CNTNAP4: variants seen among roughly 807,000 people sequenced by gnomAD.
CNTNAP4 encodes contactin associated protein family member 4.
A neutral mutation model predicts 148.4 loss-of-function variants in CNTNAP4; 98 were observed. The observed-to-expected ratio is 0.66, with a 90% CI of 0.56 to 0.78. The LOEUF is 0.78. Ranked by LOEUF, CNTNAP4 falls within the 30% of genes least tolerant of loss-of-function variation. The pLI, the probability that CNTNAP4 is intolerant of heterozygous loss-of-function variation, is 0.00. For missense variants in CNTNAP4, 1,935 were observed against 1,565.6 expected (o/e 1.24, Z -3.98); for synonymous variants, 730 against 565.1 (o/e 1.29, Z -4.14).
chr16:76,383,406 A>C (rs1316230229), intron 3 of CNTNAP4, among the ~76,000 whole-genome samples: 1 of 151,998 alleles, frequency 6.6e-6, no homozygotes, highest in Non-Finnish European at 1.5e-5. Flanking sequence ...AAAAAAAAAA[A>C]AAAAAACGTA....
intron 13 of CNTNAP4, among the ~76,000 whole-genome samples, chr16:76,493,071 G>GT (rs2082281137): frequency 6.6e-6 from 1 of 151,878 alleles, no homozygotes. Flanking sequence ...AAATACAGAA[G>GT]TTTTTCTCAG....
intron 12 of CNTNAP4, among the ~76,000 whole-genome samples, chr16:76,480,893 G>A (rs2081802162): frequency 6.6e-6 from 1 of 152,164 alleles, no homozygotes; most frequent in African/African-American, 2.4e-5. Context: ...AAATCAACAA[G>A]CATATTCTAA....
rs74497657 is a variant in CNTNAP4, at chr16:76,455,287, C to T, written c.1333+2518C>T. On this transcript the variant is annotated intron_variant, in intron 8 of 23. Coordinates refer to ENST00000611870, the MANE Select transcript of CNTNAP4 (RefSeq NM_033401.5). Reference sequence around the variant, plus strand: ...TTCTGCTATGATTTTAGCATTTCTGCTGCTGTTTTTGCGTAACAGTGAAAA... The same window carrying T: ...TTCTGCTATGATTTTAGCATTTCTGTTGCTGTTTTTGCGTAACAGTGAAAA... Among the ~76,000 whole-genome samples, 525 of 152,188 alleles carry T rather than the reference C, an allele frequency of 3.4e-3. 1 individual carries two copies. The highest frequency in any genetic ancestry group is 0.012 in the African/African-American group (492 of 41,464).
intron 2 of CNTNAP4, among the ~76,000 whole-genome samples, chr16:76,326,543 C>G (rs1865672618): frequency 6.6e-6 from 1 of 152,098 alleles, no homozygotes; most frequent in African/African-American, 2.4e-5. Flanking sequence ...GACTTGGAAC[C>G]AATCCAAATG....
At chr16:76,296,412 TG>T (rs1441181195) in intron 1 of CNTNAP4, among the ~76,000 whole-genome samples, 3 of 152,198 alleles carry the variant, frequency 2.0e-5, no homozygotes, top group Non-Finnish European at 2.9e-5. Context: ...TTCAATGCTT[TG>T]GGAAAGATAC....
chr16:76,293,840 A>T (rs1230302361), intron 1 of CNTNAP4, among the ~76,000 whole-genome samples: 1 of 151,574 alleles, frequency 6.6e-6, no homozygotes, highest in Non-Finnish European at 1.5e-5. Flanking sequence ...TTTTTTAAAA[A>T]AAAGGATATA....
Position 76,522,098 on chromosome 16 carries a change from C to G in CNTNAP4, c.2596C>G (p.Gln866Glu). 6.2e-7 allele frequency: 1 copy of G among 1,613,916 alleles called. No homozygotes were observed. Among genetic ancestry groups the G allele is most frequent in the Non-Finnish European group, 8.5e-7 (1 of 1,179,866 alleles). Reference sequence around the variant, plus strand: ...GAATGGGCCTTTTGAAATCTCAGTGCAGTCACCCACCCACTTCAACGACAA... The same window carrying G: ...GAATGGGCCTTTTGAAATCTCAGTGGAGTCACCCACCCACTTCAACGACAA... ...VGNGPFEISV[Q>E]SPTHFNDNQW... is the part of the protein sequence containing the mutation. Residue 866 changes from glutamine (Q) to glutamate (E), a missense_variant, in exon 17 of 24, where the codon CAG becomes GAG. Gln to Glu is a conservative substitution (Grantham distance 29). Coordinates refer to ENST00000611870, the MANE Select transcript of CNTNAP4 (RefSeq NM_033401.5).
intron 3 of CNTNAP4, among the ~76,000 whole-genome samples, chr16:76,389,028 C>T (rs2016738010): frequency 6.6e-6 from 1 of 152,010 alleles, no homozygotes; most frequent in Admixed American, 6.6e-5. Flanking sequence ...ATGACTAAGC[C>T]AAAACCTTAT....
intron 11 of CNTNAP4, 130 bp from the exon 12 acceptor site, chr16:76,479,288 TA>T: frequency 1.7e-6 from 1 of 599,118 alleles, no homozygotes; most frequent in Non-Finnish European, 2.6e-6. Context: ...TGTTTTAAAG[TA>T]AGTTTTGCCT....
intron 3 of CNTNAP4, among the ~76,000 whole-genome samples, chr16:76,413,090 T>C (rs1171556841): frequency 6.6e-6 from 1 of 151,338 alleles, no homozygotes; most frequent in Non-Finnish European, 1.5e-5. Context: ...CCTCAAGTGT[T>C]TATCCTTTGA....
intron 15 of CNTNAP4, among the ~76,000 whole-genome samples, chr16:76,500,629 TG>T: frequency 6.6e-6 from 1 of 151,614 alleles, no homozygotes; most frequent in African/African-American, 2.4e-5. Flanking sequence ...TGTGTGTGTG[TG>T]TGTGTGTGTG....
chr16:76,368,764 A>G (rs1243744358), intron 3 of CNTNAP4, among the ~76,000 whole-genome samples: 3 of 152,190 alleles, frequency 2.0e-5, no homozygotes, highest in South Asian at 2.1e-4. Context: ...TGGCACATGT[A>G]TACCTATGTA....
chr16:76,294,592 A>G lies in CNTNAP4; in HGVS notation c.85+16845A>G, dbSNP rs192085507. ...TAAATATGTTAAAAAATTTCTTAGT[A>G]AAATATTTTTTACATTCCTTGGATA... On this transcript the variant is annotated intron_variant, in intron 1 of 23. Transcript: ENST00000611870. Among the ~76,000 whole-genome samples the G allele has an allele frequency of 4.3e-4, 66 of 152,332 alleles. 1 individual carries two copies. The South Asian group carries it at 0.012, about 27-fold the overall frequency.
intron 1 of CNTNAP4, among the ~76,000 whole-genome samples, chr16:76,302,182 T>C (rs1002641044): frequency 6.6e-6 from 1 of 151,890 alleles, no homozygotes; most frequent in Non-Finnish European, 1.5e-5. Flanking sequence ...TTCAGCTTCA[T>C]AGAAAAAGGA....
intron 21 of CNTNAP4, 59 bp from the exon 22 acceptor site, chr16:76,553,224 C>T (rs1316696971): frequency 2.0e-6 from 2 of 1,008,490 alleles, no homozygotes; most frequent in Admixed American, 4.4e-5. Flanking sequence ...TCAATTTCTG[C>T]ATCATCGCCT....
chr16:76,332,363 T>A (rs1400810261), intron 2 of CNTNAP4, among the ~76,000 whole-genome samples: 1 of 152,038 alleles, frequency 6.6e-6, no homozygotes, highest in Non-Finnish European at 1.5e-5. Flanking sequence ...TAGGCTCAAG[T>A]GATCCTCCTG....
At chr16:76,360,704 A>T (rs539337642) in intron 3 of CNTNAP4, among the ~76,000 whole-genome samples, 31 of 152,146 alleles carry the variant, frequency 2.0e-4, no homozygotes, top group African/African-American at 6.5e-4. Context: ...GAAAGTCTAC[A>T]TTATTAGTCT....
At chr16:76,445,621 G>T (rs1477236392) in intron 4 of CNTNAP4, among the ~76,000 whole-genome samples, 1 of 151,882 alleles carries the variant, frequency 6.6e-6, no homozygotes, top group Non-Finnish European at 1.5e-5. Flanking sequence ...AAATATTCCA[G>T]GCACAAAAGC....
chr16:76,304,270 C>T (rs1960261057), intron 1 of CNTNAP4, among the ~76,000 whole-genome samples: 1 of 152,138 alleles, frequency 6.6e-6, no homozygotes, highest in South Asian at 2.1e-4. Context: ...TCAAGAGCTA[C>T]ACTTGTAATC....
Sources: gnomAD v4.1 joint callset for allele counts (sites outside exome capture counted in the v4.1 genomes callset) on GRCh38, gnomAD v4.1.1 for gene constraint, MANE v1.5 for transcripts, NCBI Gene and HGNC (gene_info 2026-07-23, HGNC 2026-07-21) for gene names.